Variants in UCN3 observed in about 807,000 individuals in gnomAD.
The protein encoded by UCN3 is urocortin-3.
A neutral mutation model predicts 3.6 loss-of-function variants in UCN3; 3 were observed. That is an observed-to-expected ratio of 0.83 (90% confidence interval 0.38 to 2.15). The LOEUF is 2.15. Among genes scored for constraint, UCN3 ranks in the 30% most tolerant of loss-of-function variants. UCN3 has a pLI of 0.06. For missense variants in UCN3, 206 were observed against 208.3 expected (o/e 0.99, Z 0.07); for synonymous variants, 100 against 93.2 (o/e 1.07, Z -0.42).
Position 5,372,553 on chromosome 10 carries a change from TTTC to T in UCN3, c.-6-1159_-6-1157del. Among the ~76,000 whole-genome samples the T allele has an allele frequency of 2.0e-5, 3 of 152,224 alleles. No homozygotes were observed. The Middle Eastern group carries it at 0.01, about 518-fold the overall frequency. On this transcript the variant is annotated intron_variant, in intron 1 of 1. Coordinates refer to ENST00000380433, the MANE Select transcript of UCN3 (RefSeq NM_053049.4). Reference sequence around the variant, plus strand: ...TCCATATGCTAATGCTTAGGGTTTTTTTCTTTTCTTTTTTTGAAACTAGGTTTT... The same window carrying T: ...TCCATATGCTAATGCTTAGGGTTTTTTTTTCTTTTTTTGAAACTAGGTTTT...
Position 5,369,939 on chromosome 10 carries a change from ATG to A in UCN3, c.-6-3768_-6-3767del, listed in dbSNP as rs1182036788. ...TATGTGTGTGTATGTGTGTGTGTGT[ATG>A]TGTGTGTATATGTGTGTGTATATGC... On this transcript the variant is annotated intron_variant, in intron 1 of 1. Coordinates refer to ENST00000380433, the MANE Select transcript of UCN3 (RefSeq NM_053049.4). 7.9e-4 allele frequency among the ~76,000 whole-genome samples: 52 copies of A among 66,034 alleles called. 9 individuals are homozygous for A. Among genetic ancestry groups the A allele is most frequent in the African/African-American group, 2.1e-3 (27 of 13,152 alleles). The allele number at this position is 66,034 out of a possible 152,430, so 43.3% of individuals were successfully genotyped here.
At chr10:5,370,920 C>T (rs111207953) in intron 1 of UCN3, among the ~76,000 whole-genome samples, 7,080 of 108,310 alleles carry the variant, frequency 0.065, 813 homozygotes, top group East Asian at 0.2. Context: ...TGTGTATATG[C>T]GTGTGTATAT....
intron 1 of UCN3, among the ~76,000 whole-genome samples, chr10:5,372,414 T>C (rs929290728): frequency 6.6e-6 from 1 of 152,230 alleles, no homozygotes; most frequent in South Asian, 2.1e-4. Context: ...GGCAGTTTGA[T>C]GTCTTGTTTG....
At position 5,366,646 on chromosome 10, in the gene UCN3, A is replaced by T. The variant is rs191140189; in HGVS notation, c.-7+1416A>T. 5.8e-3 allele frequency among the ~76,000 whole-genome samples: 890 copies of T among 152,270 alleles called. 31 individuals carry two copies. The highest frequency in any genetic ancestry group is 1.3e-3 in the Non-Finnish European group (86 of 68,022). On this transcript the variant is annotated intron_variant, in intron 1 of 1. Transcript: ENST00000380433. This position sits in a 1 kb window ranked among gnomAD's most constrained non-coding sequence, Gnocchi z 4.2. ...CCTTCCAGCCCCCAGCCACTCACACACTTTGATGGTGAAACCATCCAGGGT... is the reference window on the plus strand; with the variant it reads ...CCTTCCAGCCCCCAGCCACTCACACTCTTTGATGGTGAAACCATCCAGGGT...
chr10:5,366,456 A>G lies in UCN3; in HGVS notation c.-7+1226A>G, dbSNP rs537443856. On this transcript the variant is annotated intron_variant, in intron 1 of 1. Coordinates refer to ENST00000380433, the MANE Select transcript of UCN3 (RefSeq NM_053049.4). This position sits in a 1 kb window ranked among gnomAD's most constrained non-coding sequence, Gnocchi z 4.2. ...TGTTTCACCAAGAATATGGCAGAAG[A>G]GTCCAAGGAATGTAAAAGGAGAAAC... Among the ~76,000 whole-genome samples, 1 of 152,242 alleles carries G rather than the reference A, an allele frequency of 6.6e-6. No individual in the cohort carries two copies. Among genetic ancestry groups the G allele is most frequent in the Admixed American group, 6.5e-5 (1 of 15,290 alleles).
chr10:5,369,923 G>GTGTA (rs879953124), intron 1 of UCN3, among the ~76,000 whole-genome samples: 3,225 of 95,460 alleles, frequency 0.034, 578 homozygotes, highest in South Asian at 0.074. Flanking sequence ...ATATGTGTGT[G>GTGTA]TATGTGTGTG....
In UCN3 at chr10:5,365,357, G is replaced by A. The variant is rs1200375105; in HGVS notation, c.-7+127G>A. Reference sequence around the variant, plus strand: ...TAGCGCCCCTGGGTGGAAGCCCAAGGGAGCGATGCTGAACGCCCCCCACCC... The same window carrying A: ...TAGCGCCCCTGGGTGGAAGCCCAAGAGAGCGATGCTGAACGCCCCCCACCC... On this transcript the variant is annotated intron_variant, in intron 1 of 1. Transcript: ENST00000380433. The surrounding 1 kb of genome is among the most constrained non-coding windows in gnomAD (Gnocchi z 4.4). The A allele has an allele frequency of 6.6e-6, 1 of 152,316 alleles. No homozygotes were observed. The highest frequency in any genetic ancestry group is 1.5e-5 in the Non-Finnish European group (1 of 68,130). The allele number at this position is 152,316 out of a possible 1,614,324, so 9.4% of individuals were successfully genotyped here.
rs556467190 is a variant in UCN3, at chr10:5,370,897, G to A, written c.-6-2818G>A. 1.2e-4 allele frequency among the ~76,000 whole-genome samples: 13 copies of A among 111,574 alleles called. 3 individuals are homozygous for A. The East Asian group carries it at 1.4e-3, about 12-fold the overall frequency. 73.2% of individuals were successfully genotyped at this position (111,574 alleles called of 152,430 possible). A position where few individuals can be genotyped will look rare whatever the true frequency, so the allele number is the denominator to read the frequency against. Reference sequence around the variant, plus strand: ...TGTGTGTATATGCGTGTGTATATGCGTGTGTATATGCGTGTGTATATGCGT... The same window carrying A: ...TGTGTGTATATGCGTGTGTATATGCATGTGTATATGCGTGTGTATATGCGT... On this transcript the variant is annotated intron_variant, in intron 1 of 1. Transcript: ENST00000380433.
Position 5,374,296 on chromosome 10 carries a change from T to C in UCN3, c.*90T>C, listed in dbSNP as rs74112983. On this transcript the variant is annotated 3_prime_UTR_variant, in exon 2 of 2. Coordinates refer to ENST00000380433, the MANE Select transcript of UCN3 (RefSeq NM_053049.4). ...GGGGGGGAGGGGAGGGGGAGGGTGC[T>C]GTCTGCTGGTTTGTGTTTTGTGGGA... 3.1e-3 allele frequency: 2,653 copies of C among 860,850 alleles called. 100 individuals carry two copies. The African/African-American group carries it at 0.041, about 13-fold the overall frequency. The allele number at this position is 860,850 out of a possible 1,614,324, so 53.3% of individuals were successfully genotyped here.
intron 1 of UCN3, among the ~76,000 whole-genome samples, chr10:5,368,614 C>T (rs368040275): frequency 1.3e-4 from 20 of 152,220 alleles, no homozygotes; most frequent in East Asian, 1.2e-3. Flanking sequence ...ACCACTTTCC[C>T]CCCAGTATTA....
At position 5,370,101 on chromosome 10, in the gene UCN3, GCGTGTGTATA is replaced by G. The variant is rs1181528622; in HGVS notation, c.-6-3613_-6-3604del. 1.1e-3 allele frequency among the ~76,000 whole-genome samples: 111 copies of G among 101,322 alleles called. 28 individuals carry two copies. The East Asian group carries it at 0.025, about 23-fold the overall frequency. The allele number at this position is 101,322 out of a possible 152,430, so 66.5% of individuals were successfully genotyped here. A position where few individuals can be genotyped will look rare whatever the true frequency, so the allele number is the denominator to read the frequency against. ...TGCGTGTGTATATGCGTGTGTATAT[GCGTGTGTATA>G]TGTGTGTGTATGTGTGTGTATGTGT... On this transcript the variant is annotated intron_variant, in intron 1 of 1. Transcript: ENST00000380433.
Position 5,370,039 on chromosome 10 carries a change from GTATATGCGTGTGTATGTGTGTGTA to G in UCN3, c.-6-3672_-6-3649del, listed in dbSNP as rs1831332003. 2.4e-5 allele frequency among the ~76,000 whole-genome samples: 3 copies of G among 124,426 alleles called. 1 individual carries two copies. Among genetic ancestry groups the G allele is most frequent in the African/African-American group, 9.7e-5 (3 of 30,970 alleles). The allele number at this position is 124,426 out of a possible 152,430, so 81.6% of individuals were successfully genotyped here. On this transcript the variant is annotated intron_variant, in intron 1 of 1. Coordinates refer to ENST00000380433, the MANE Select transcript of UCN3 (RefSeq NM_053049.4). Reference sequence around the variant, plus strand: ...TGTATATGTGTGTGTATATGCGTGTGTATATGCGTGTGTATGTGTGTGTATATGTGTGTATATGCGTGTGTATAT... The same window carrying G: ...TGTATATGTGTGTGTATATGCGTGTGTATGTGTGTATATGCGTGTGTATAT...
In UCN3 at chr10:5,370,123, G is replaced by A. The variant is rs868956014; in HGVS notation, c.-6-3592G>A. On this transcript the variant is annotated intron_variant, in intron 1 of 1. Coordinates refer to ENST00000380433, the MANE Select transcript of UCN3 (RefSeq NM_053049.4). ...TATGCGTGTGTATATGTGTGTGTATGTGTGTGTATGTGTGTGTATGCGTGT... is the reference window on the plus strand; with the variant it reads ...TATGCGTGTGTATATGTGTGTGTATATGTGTGTATGTGTGTGTATGCGTGT... Among the ~76,000 whole-genome samples, 46 of 69,814 alleles carry A rather than the reference G, an allele frequency of 6.6e-4. 2 individuals are homozygous for A. Among genetic ancestry groups the A allele is most frequent in the African/African-American group, 2.3e-3 (29 of 12,750 alleles). The allele number at this position is 69,814 out of a possible 152,430, so 45.8% of individuals were successfully genotyped here. A position where few individuals can be genotyped will look rare whatever the true frequency, so the allele number is the denominator to read the frequency against.
chr10:5,369,905 G>GTGTGTGTATGTGTGTGTGTGTATA (rs1831320127), intron 1 of UCN3, among the ~76,000 whole-genome samples: 1 of 128,970 alleles, frequency 7.8e-6, no homozygotes, highest in African/African-American at 3.0e-5. Flanking sequence ...GTGTATATGT[G>GTGTGTGTATGTGTGTGTGTGTATA]TGTGTGTATA....
intron 1 of UCN3, among the ~76,000 whole-genome samples, chr10:5,370,857 G>GTATATGTGTGTATA (rs1564443677): frequency 1.0e-5 from 1 of 99,752 alleles, no homozygotes; most frequent in Non-Finnish European, 2.0e-5. Flanking sequence ...GTGCGCGTGT[G>GTATATGTGTGTATA]TGTGCGTGTG....
chr10:5,374,155 C>G lies in UCN3; in HGVS notation c.435C>G (p.Ala145=). ...FNIAKAKNLR[A]QAAANAHLMA... ...TCGCCAAGGCCAAGAACCTGCGTGC[C>G]CAGGCGGCCGCCAATGCCCACCTGA... Residue 145 remains alanine, a synonymous_variant, in exon 2 of 2, where the codon GCC becomes GCG. Transcript: ENST00000380433. 3 of 1,612,660 alleles carry G rather than the reference C, an allele frequency of 1.9e-6. No individual in the cohort carries two copies. The highest frequency in any genetic ancestry group is 2.7e-5 in the African/African-American group (2 of 74,668).
intron 1 of UCN3, among the ~76,000 whole-genome samples, chr10:5,370,923 G>GTTCA (rs1554811446): frequency 7.3e-6 from 1 of 136,710 alleles, no homozygotes; most frequent in East Asian, 2.1e-4. Flanking sequence ...GTATATGCGT[G>GTTCA]TGTATATGTG....
In UCN3 at chr10:5,370,039, GTA is replaced by G. The variant is rs1412662538; in HGVS notation, c.-6-3672_-6-3671del. On this transcript the variant is annotated intron_variant, in intron 1 of 1. Transcript: ENST00000380433. ...TGTATATGTGTGTGTATATGCGTGT[GTA>G]TATGCGTGTGTATGTGTGTGTATAT... Among the ~76,000 whole-genome samples the G allele has an allele frequency of 1.1e-3, 134 of 124,398 alleles. 9 individuals carry two copies. The highest frequency in any genetic ancestry group is 1.8e-3 in the African/African-American group (55 of 31,002). The allele number at this position is 124,398 out of a possible 152,430, so 81.6% of individuals were successfully genotyped here.
In UCN3 at chr10:5,370,677, G is replaced by A. The variant is rs797027059; in HGVS notation, c.-6-3038G>A. Among the ~76,000 whole-genome samples the A allele has an allele frequency of 2.1e-3, 169 of 79,296 alleles. 15 individuals carry two copies. Among genetic ancestry groups the A allele is most frequent in the Non-Finnish European group, 2.9e-3 (116 of 39,710 alleles). The allele number at this position is 79,296 out of a possible 152,430, so 52.0% of individuals were successfully genotyped here. On this transcript the variant is annotated intron_variant, in intron 1 of 1. Coordinates refer to ENST00000380433, the MANE Select transcript of UCN3 (RefSeq NM_053049.4). ...TGTATGTGTGTGTATGTGTGTGTAT[G>A]TGTGTGTGTATGTGTGTATATGTGT...
Sources: allele counts gnomAD v4.1 joint callset (sites outside exome capture counted in the v4.1 genomes callset), GRCh38; gene constraint gnomAD v4.1.1; non-coding constraint Gnocchi (gnomAD v3.1); transcripts MANE v1.5; gene names NCBI Gene and HGNC (gene_info 2026-07-23, HGNC 2026-07-21).